Variants in DIAPH3 observed in about 807,000 individuals in gnomAD.
DIAPH3 encodes the protein diaphanous related formin 3, also known as protein diaphanous homolog 3.
In DIAPH3, 117 loss-of-function variants were observed where a neutral mutation model predicts 144.3. That is an observed-to-expected ratio of 0.81 (90% CI 0.70 to 0.95). The LOEUF is 0.95. Among genes scored for constraint, DIAPH3 ranks in the 40% least tolerant of loss-of-function variants. The pLI, the probability that DIAPH3 is intolerant of heterozygous loss-of-function variation, is 0.00. For synonymous variants in DIAPH3, 519 were observed against 488.9 expected (o/e 1.06, Z -0.81); for missense variants, 1,421 against 1,412.7 (o/e 1.01, Z -0.09).
At chr13:60,138,508 C>T (rs1293950482) in intron 1 of DIAPH3, among the ~76,000 whole-genome samples, 1 of 152,206 alleles carries the variant, frequency 6.6e-6, no homozygotes, top group Non-Finnish European at 1.5e-5. Context: ...AAAGTTGGGA[C>T]AGGCCTTACT....
chr13:60,163,791 G>T lies in DIAPH3; in HGVS notation c.-25C>A. On this transcript the variant is annotated 5_prime_UTR_variant, in exon 1 of 28. Transcript: ENST00000400324. Reference sequence around the variant, plus strand: ...TCTTTCCCCGCAGCTCCGGGGACCGGAAAGAAGGTGGCCACTCAGCAAGCC... The same window carrying T: ...TCTTTCCCCGCAGCTCCGGGGACCGTAAAGAAGGTGGCCACTCAGCAAGCC... The T allele has an allele frequency of 6.5e-7, 1 of 1,548,724 alleles. No homozygotes were observed.
intron 1 of DIAPH3, among the ~76,000 whole-genome samples, chr13:60,136,472 CAAAAAAA>C (rs34487556): frequency 1.2e-3 from 95 of 81,966 alleles, no homozygotes; most frequent in East Asian, 2.6e-3. Context: ...TTATATTTAC[CAAAAAAA>C]AAAAAAAAAA....
chr13:59,785,768 G>A (rs766510620), intron 25 of DIAPH3, among the ~76,000 whole-genome samples: 1 of 152,054 alleles, frequency 6.6e-6, no homozygotes, highest in African/African-American at 2.4e-5. Context: ...AGAAGTGGCC[G>A]TGTGATGCAT....
intron 20 of DIAPH3, among the ~76,000 whole-genome samples, chr13:59,898,295 T>C (rs1237479861): frequency 6.6e-6 from 1 of 152,152 alleles, no homozygotes; most frequent in Non-Finnish European, 1.5e-5. Context: ...TATTCACGTA[T>C]ATTTTAACAA....
intron 14 of DIAPH3, among the ~76,000 whole-genome samples, chr13:59,980,331 G>A (rs998307543): frequency 2.0e-5 from 3 of 151,202 alleles, no homozygotes; most frequent in Non-Finnish European, 4.4e-5. Context: ...CATTCTTAAG[G>A]GCTTAATATC....
chr13:60,093,590 T>C (rs1479775914), intron 4 of DIAPH3, 38 bp downstream of exon 4: 15 of 1,367,530 alleles, frequency 1.1e-5, no homozygotes, highest in African/African-American at 1.4e-5. Context: ...TGTTAAAACA[T>C]GTTCGGCAGT....
At position 60,105,099 on chromosome 13, in the gene DIAPH3, C is replaced by CAAAAAAAAAAAAAAAAA. The variant is rs60853102; in HGVS notation, c.390+6894_390+6910dup. ...TGGGCGACAAAGTGAGACACGATCT[C>CAAAAAAAAAAAAAAAAA]AAAAAAAAAAAAAAAAAAAAAAAAA... On this transcript the variant is annotated intron_variant, in intron 3 of 27. Transcript: ENST00000400324. 1.8e-3 allele frequency among the ~76,000 whole-genome samples: 77 copies of CAAAAAAAAAAAAAAAAA among 41,814 alleles called. 4 individuals are homozygous for CAAAAAAAAAAAAAAAAA. Among genetic ancestry groups the CAAAAAAAAAAAAAAAAA allele is most frequent in the Non-Finnish European group, 2.5e-3 (56 of 22,754 alleles). The allele number at this position is 41,814 out of a possible 152,430, so 27.4% of individuals were successfully genotyped here. A position where few individuals can be genotyped will look rare whatever the true frequency, so the allele number is the denominator to read the frequency against.
At chr13:59,960,635 T>G (rs2049701433) in intron 17 of DIAPH3, among the ~76,000 whole-genome samples, 1 of 152,076 alleles carries the variant, frequency 6.6e-6, no homozygotes, top group South Asian at 2.1e-4. Context: ...CTCACTAATC[T>G]CTGAAAATGT....
At chr13:60,074,161 T>A (rs760030959) in intron 4 of DIAPH3, among the ~76,000 whole-genome samples, 2 of 152,194 alleles carry the variant, frequency 1.3e-5, no homozygotes, top group Admixed American at 6.5e-5. Context: ...GTCAGAGTAC[T>A]GCATTTTCAA....
At chr13:59,693,015 T>C (rs905048528) in intron 27 of DIAPH3, among the ~76,000 whole-genome samples, 2 of 152,168 alleles carry the variant, frequency 1.3e-5, no homozygotes, top group African/African-American at 4.8e-5. Context: ...CAATTATGAA[T>C]GTAACAAGGG....
chr13:60,102,725 A>G (rs1346034261), intron 3 of DIAPH3, among the ~76,000 whole-genome samples: 1 of 152,224 alleles, frequency 6.6e-6, no homozygotes, highest in South Asian at 2.1e-4. Context: ...GAACACTAGC[A>G]GACCCACACT....
intron 1 of DIAPH3, among the ~76,000 whole-genome samples, chr13:60,148,072 C>A (rs1951617620): frequency 6.6e-6 from 1 of 151,988 alleles, no homozygotes; most frequent in Non-Finnish European, 1.5e-5. Context: ...TACTGGATAA[C>A]CAATGCATAT....
At chr13:60,064,164 G>A (rs971268862) in intron 4 of DIAPH3, among the ~76,000 whole-genome samples, 1 of 152,090 alleles carries the variant, frequency 6.6e-6, no homozygotes, top group Non-Finnish European at 1.5e-5. Context: ...ATTCCTAAGG[G>A]CCCTAGGATT....
intron 24 of DIAPH3, among the ~76,000 whole-genome samples, chr13:59,817,063 T>C (rs2040813660): frequency 6.6e-6 from 1 of 151,874 alleles, no homozygotes; most frequent in African/African-American, 2.4e-5. Flanking sequence ...TAATTTCATG[T>C]CATTGTGGTC....
Position 60,042,972 on chromosome 13 carries a change from A to C in DIAPH3, c.496-152T>G, listed in dbSNP as rs3736470. ...TAAATAATTTCCTTACTTCTGCCCAAAAATCTATGAATTCATAATGTGTGG... is the reference window on the plus strand; with the variant it reads ...TAAATAATTTCCTTACTTCTGCCCACAAATCTATGAATTCATAATGTGTGG... On this transcript the variant is annotated intron_variant, in intron 4 of 27. Coordinates refer to ENST00000400324, the MANE Select transcript of DIAPH3 (RefSeq NM_001042517.2). 61,507 of 803,326 alleles carry C rather than the reference A, an allele frequency of 0.077. 2,907 individuals carry two copies. The highest frequency in any genetic ancestry group is 0.13 in the East Asian group (4,577 of 35,080). 49.8% of individuals were successfully genotyped at this position (803,326 alleles called of 1,614,324 possible). A position where few individuals can be genotyped will look rare whatever the true frequency, so the allele number is the denominator to read the frequency against.
rs556589205 is a variant in DIAPH3 at position 60,123,734 on chromosome 13, T to C, written c.213+9223A>G. On this transcript the variant is annotated intron_variant, in intron 2 of 27. Transcript: ENST00000400324. ...AATATATAGTTTTACTGAAAAACTG[T>C]GGTTGGGCAGATGGTACATCACACT... is the stretch of plus-strand genomic sequence containing the variant. 1.5e-4 allele frequency among the ~76,000 whole-genome samples: 23 copies of C among 152,304 alleles called. No individual in the cohort carries two copies. In the South Asian group the frequency reaches 4.6e-3, roughly 30 times the overall value.
chr13:59,708,116 G>A (rs547637568), intron 27 of DIAPH3, among the ~76,000 whole-genome samples: 4 of 151,498 alleles, frequency 2.6e-5, no homozygotes, highest in Non-Finnish European at 5.9e-5. Flanking sequence ...AAGCTGGTGT[G>A]CAGCAGCATC....
intron 18 of DIAPH3, among the ~76,000 whole-genome samples, chr13:59,921,639 A>G (rs1248422289): frequency 6.6e-6 from 1 of 152,032 alleles, no homozygotes; most frequent in African/African-American, 2.4e-5. Context: ...TTGCTGCTTA[A>G]TTCTATCAAA....
At chr13:59,857,755 G>A (rs946036198) in intron 22 of DIAPH3, among the ~76,000 whole-genome samples, 6 of 152,110 alleles carry the variant, frequency 3.9e-5, no homozygotes, top group African/African-American at 1.4e-4. Context: ...GCACCAAAGG[G>A]AAGGTGACAT....
Sources: allele counts gnomAD v4.1 joint callset (sites outside exome capture counted in the v4.1 genomes callset), GRCh38; gene constraint gnomAD v4.1.1; transcripts MANE v1.5; gene names NCBI Gene and HGNC (gene_info 2026-07-23, HGNC 2026-07-21).